Variants in RAB5C observed in about 807,000 individuals in gnomAD.
The protein encoded by RAB5C is ras-related protein Rab-5C.
A neutral mutation model predicts 25.2 loss-of-function variants in RAB5C; 4 were observed. That is an observed-to-expected ratio of 0.16 (90% CI 0.08 to 0.36). RAB5C has a LOEUF of 0.36. RAB5C is among the 10% of genes least tolerant of loss of function. The pLI, the probability that RAB5C is intolerant of heterozygous loss-of-function variation, is 1.00. For missense variants in RAB5C, 199 were observed against 283.8 expected (o/e 0.70, Z 2.15); for synonymous variants, 100 against 106.4 (o/e 0.94, Z 0.37).
chr17:42,146,775 G>A (rs946854017), intron 1 of RAB5C, among the ~76,000 whole-genome samples: 2 of 151,172 alleles, frequency 1.3e-5, no homozygotes, highest in Admixed American at 1.3e-4. Flanking sequence ...AGGAGGCCAA[G>A]GTAGGCGGAT....
At chr17:42,139,162 C>T (rs2054566480) in intron 1 of RAB5C, among the ~76,000 whole-genome samples, 1 of 152,362 alleles carries the variant, frequency 6.6e-6, no homozygotes, top group Admixed American at 6.5e-5. Flanking sequence ...AGGACATCTC[C>T]ATGGATCTGC....
At chr17:42,137,314 G>GAAAAAAAAAAAAAAAAAAAAAAA (rs1300048784) in intron 1 of RAB5C, among the ~76,000 whole-genome samples, 3 of 98,606 alleles carry the variant, frequency 3.0e-5, no homozygotes, top group Non-Finnish European at 4.5e-5. Context: ...TCAAAAAAAA[G>GAAAAAAAAAAAAAAAAAAAAAAA]AAAAAAAAAA....
At chr17:42,148,877 C>G (rs918836639) in intron 1 of RAB5C, among the ~76,000 whole-genome samples, 1 of 152,166 alleles carries the variant, frequency 6.6e-6, no homozygotes, top group African/African-American at 2.4e-5. Flanking sequence ...TACATAGTCC[C>G]CCACTCTAAC....
At chr17:42,134,793 A>G (rs1427171682) in intron 1 of RAB5C, among the ~76,000 whole-genome samples, 1 of 152,154 alleles carries the variant, frequency 6.6e-6, no homozygotes, top group African/African-American at 2.4e-5. Context: ...TCCTATTAAT[A>G]CAATGCACAT....
chr17:42,144,321 G>A (rs1328639174), intron 1 of RAB5C, among the ~76,000 whole-genome samples: 2 of 151,872 alleles, frequency 1.3e-5, no homozygotes, highest in South Asian at 2.1e-4. Context: ...GCCGGGCATG[G>A]TGGCATGTGC....
intron 1 of RAB5C, 24 bp from the exon 2 acceptor site, chr17:42,130,614 C>A: frequency 6.5e-7 from 1 of 1,531,294 alleles, no homozygotes; most frequent in South Asian, 1.2e-5. Flanking sequence ...ATGAGAAGTA[C>A]TGAGTTAGTT....
At chr17:42,154,225 C>A (rs1024716782) in intron 1 of RAB5C, among the ~76,000 whole-genome samples, 4 of 152,174 alleles carry the variant, frequency 2.6e-5, no homozygotes, top group African/African-American at 9.7e-5. Flanking sequence ...CAGCTAAATT[C>A]TTCAGAGGCA....
chr17:42,144,540 G>A (rs1053443242), intron 1 of RAB5C, among the ~76,000 whole-genome samples: 4 of 152,038 alleles, frequency 2.6e-5, no homozygotes, highest in African/African-American at 7.2e-5. Context: ...TCAGCTGGGC[G>A]CGGTGGCTCA....
intron 1 of RAB5C, chr17:42,137,849 T>C (rs893715574): frequency 2.0e-5 from 3 of 151,222 alleles, no homozygotes; most frequent in African/African-American, 7.3e-5. Flanking sequence ...ATAGTGCCAC[T>C]GCACTCCGGC....
chr17:42,145,640 C>G (rs13380830), intron 1 of RAB5C, among the ~76,000 whole-genome samples: 43,132 of 152,006 alleles, frequency 0.28, 8,449 homozygotes, highest in African/African-American at 0.56. Context: ...CAAAAATTAG[C>G]CAGGCGTGGT....
intron 1 of RAB5C, among the ~76,000 whole-genome samples, chr17:42,147,791 T>G (rs1193044701): frequency 6.6e-6 from 1 of 152,086 alleles, no homozygotes; most frequent in African/African-American, 2.4e-5. Context: ...GGAAGGGAAG[T>G]GTGTGTTAAA....
At chr17:42,132,505 C>T (rs2054495811) in intron 1 of RAB5C, among the ~76,000 whole-genome samples, 1 of 152,148 alleles carries the variant, frequency 6.6e-6, no homozygotes, top group South Asian at 2.1e-4. Context: ...TGCCTATGTG[C>T]ATACTAGGAA....
chr17:42,130,591 C>T lies in RAB5C; in HGVS notation c.-88-1G>A. 2 of 1,569,990 alleles carry T rather than the reference C, an allele frequency of 1.3e-6. No individual in the cohort carries two copies. Among genetic ancestry groups the T allele is most frequent in the South Asian group, 1.1e-5 (1 of 88,478 alleles). ...ACTTAGTGGGGAGGGGGACCTCCAA[C>T]TGTAAGGGAGAAATGAGAAGTACTG... On this transcript the variant is annotated splice_acceptor_variant, in intron 1 of 5. Coordinates refer to ENST00000346213, the MANE Select transcript of RAB5C (RefSeq NM_004583.4). LOFTEE classifies it low-confidence loss of function (5UTR_SPLICE).
intron 1 of RAB5C, among the ~76,000 whole-genome samples, chr17:42,147,426 C>T (rs1484010363): frequency 1.3e-5 from 2 of 152,220 alleles, no homozygotes; most frequent in Non-Finnish European, 1.5e-5. Context: ...GGTCTGGGGT[C>T]GGTGCTGCCT....
intron 4 of RAB5C, 34 bp downstream of exon 4, chr17:42,128,227 T>G (rs2054447806): frequency 1.2e-6 from 2 of 1,604,946 alleles, no homozygotes; most frequent in Non-Finnish European, 1.7e-6. Context: ...AGCTGCTTAC[T>G]CCACTCCTTC....
intron 1 of RAB5C, among the ~76,000 whole-genome samples, chr17:42,132,684 T>TTTTC (rs754916514): frequency 2.7e-3 from 409 of 151,500 alleles, no homozygotes; most frequent in African/African-American, 8.7e-3. Context: ...CTAATTAAAA[T>TTTTC]TTTCTTTCTT....
intron 1 of RAB5C, among the ~76,000 whole-genome samples, chr17:42,151,807 G>C (rs1339968717): frequency 6.6e-6 from 1 of 152,196 alleles, no homozygotes; most frequent in Admixed American, 6.5e-5. Context: ...CTCAGAGGCA[G>C]AGGTGAAAGG....
At chr17:42,147,780 A>T (rs2144097523) in intron 1 of RAB5C, among the ~76,000 whole-genome samples, 2 of 152,344 alleles carry the variant, frequency 1.3e-5, no homozygotes, top group African/African-American at 4.8e-5. Flanking sequence ...GTGTGAAGAA[A>T]GGAAGGGAAG....
intron 1 of RAB5C, chr17:42,137,857 G>A (rs8081900): frequency 0.35 from 53,801 of 151,658 alleles, 12,869 homozygotes; most frequent in African/African-American, 0.69. Flanking sequence ...ACTGCACTCC[G>A]GCCTGGCGAG....
Sources: allele counts gnomAD v4.1 joint callset (sites outside exome capture counted in the v4.1 genomes callset), GRCh38; gene constraint gnomAD v4.1.1; transcripts MANE v1.5; gene names NCBI Gene and HGNC (gene_info 2026-07-23, HGNC 2026-07-21).